TMTC2: variants seen among roughly 807,000 people sequenced by gnomAD.
TMTC2 encodes transmembrane O-mannosyltransferase targeting cadherins 2.
In TMTC2, 43 loss-of-function variants were observed where a neutral mutation model predicts 82.4. That is an observed-to-expected ratio of 0.52 (90% CI 0.41 to 0.67). TMTC2 has a LOEUF of 0.67. Among genes scored for constraint, TMTC2 ranks in the 30% least tolerant of loss-of-function variants. The probability of loss-of-function intolerance (pLI) is 0.00; values close to 1 mark genes in which losing one functional copy is unlikely to be tolerated. For missense variants in TMTC2, 919 were observed against 1,012.4 expected (o/e 0.91, Z 1.25); for synonymous variants, 408 against 381.9 (o/e 1.07, Z -0.80).
intron 1 of TMTC2, among the ~76,000 whole-genome samples, chr12:82,743,166 G>T (rs1294753900): frequency 1.3e-5 from 2 of 152,144 alleles, no homozygotes; most frequent in Non-Finnish European, 2.9e-5. Context: ...GATGTAGCTG[G>T]GCGCAGTGGC....
chr12:82,928,547 C>G (rs1302034793), intron 3 of TMTC2, among the ~76,000 whole-genome samples: 1 of 152,082 alleles, frequency 6.6e-6, no homozygotes, highest in Non-Finnish European at 1.5e-5. Flanking sequence ...TTTCTATGGA[C>G]TCATAATGCC....
intron 11 of TMTC2, among the ~76,000 whole-genome samples, chr12:83,093,475 T>G (rs1295845459): frequency 6.7e-6 from 1 of 150,208 alleles, no homozygotes; most frequent in Non-Finnish European, 1.5e-5. Flanking sequence ...CCCAAATGTG[T>G]TGTACAAAAT....
intron 11 of TMTC2, among the ~76,000 whole-genome samples, chr12:83,072,805 A>G (rs1303802904): frequency 5.3e-5 from 8 of 152,098 alleles, no homozygotes; most frequent in Admixed American, 6.6e-5. Flanking sequence ...TTTGTCTGAT[A>G]TAAATATTGC....
At chr12:82,865,467 T>G (rs1208466771) in intron 2 of TMTC2, among the ~76,000 whole-genome samples, 1 of 152,190 alleles carries the variant, frequency 6.6e-6, no homozygotes, top group African/African-American at 2.4e-5. Flanking sequence ...CTAACTATCC[T>G]AAATATATAT....
chr12:83,102,356 G>T (rs904749550), intron 11 of TMTC2, among the ~76,000 whole-genome samples: 1 of 152,162 alleles, frequency 6.6e-6, no homozygotes, highest in African/African-American at 2.4e-5. Flanking sequence ...GCTGCTTAAT[G>T]ATAAAGGGAG....
chr12:82,909,690 A>T (rs185648697), intron 3 of TMTC2, among the ~76,000 whole-genome samples: 9 of 152,240 alleles, frequency 5.9e-5, no homozygotes, highest in Admixed American at 5.9e-4. Flanking sequence ...ACCAATTAAT[A>T]CATTCATTTG....
intron 4 of TMTC2, among the ~76,000 whole-genome samples, chr12:82,937,231 T>C (rs1449561661): frequency 6.6e-6 from 1 of 152,170 alleles, no homozygotes; most frequent in Non-Finnish European, 1.5e-5. Flanking sequence ...GAAGTCAAGG[T>C]GTTGGCAGGG....
At chr12:82,804,985 T>C (rs1443566535) in intron 1 of TMTC2, among the ~76,000 whole-genome samples, 1 of 152,164 alleles carries the variant, frequency 6.6e-6, no homozygotes, top group Non-Finnish European at 1.5e-5. Context: ...GTACACTCTC[T>C]AGCAGTTTTG....
intron 4 of TMTC2, among the ~76,000 whole-genome samples, chr12:82,935,898 A>C (rs1425018606): frequency 6.6e-6 from 1 of 152,134 alleles, no homozygotes; most frequent in Admixed American, 6.5e-5. Context: ...TAAACTAAAA[A>C]TTTAAGAGTA....
intron 11 of TMTC2, among the ~76,000 whole-genome samples, chr12:83,071,321 A>T (rs537505705): frequency 6.6e-6 from 1 of 151,568 alleles, no homozygotes; most frequent in Non-Finnish European, 1.5e-5. Context: ...TGCCCGGCTA[A>T]TTTTTTTTGT....
At chr12:82,893,119 C>T (rs1367868861) in intron 2 of TMTC2, among the ~76,000 whole-genome samples, 2 of 151,864 alleles carry the variant, frequency 1.3e-5, no homozygotes, top group African/African-American at 4.8e-5. Context: ...CGCCTGTAAT[C>T]CCAGCACTTT....
At chr12:83,099,614 ATG>A (rs1266555663) in intron 11 of TMTC2, among the ~76,000 whole-genome samples, 1 of 152,108 alleles carries the variant, frequency 6.6e-6, no homozygotes, top group Non-Finnish European at 1.5e-5. Flanking sequence ...AAGGATGTTT[ATG>A]TCTCCTGAGA....
At chr12:82,694,157 C>T (rs1872693541) in intron 1 of TMTC2, among the ~76,000 whole-genome samples, 1 of 151,768 alleles carries the variant, frequency 6.6e-6, no homozygotes, top group Admixed American at 6.6e-5. Flanking sequence ...TGATTGTTTT[C>T]AAGATTCCAC....
chr12:82,849,638 C>T (rs1354780445), intron 1 of TMTC2, among the ~76,000 whole-genome samples: 3 of 152,116 alleles, frequency 2.0e-5, no homozygotes, highest in Admixed American at 6.5e-5. Flanking sequence ...TTCAGACTTA[C>T]TAAGCTTAAG....
chr12:82,890,629 T>C (rs756979592), intron 2 of TMTC2, among the ~76,000 whole-genome samples: 10 of 151,484 alleles, frequency 6.6e-5, no homozygotes, highest in Non-Finnish European at 8.9e-5. Flanking sequence ...GAGATTTTAC[T>C]TGGACTGGGG....
intron 1 of TMTC2, among the ~76,000 whole-genome samples, chr12:82,812,885 A>G (rs1868477075): frequency 6.6e-6 from 1 of 152,102 alleles, no homozygotes. Context: ...AAAATCACTT[A>G]GAACAATCTC....
chr12:82,932,008 A>C (rs1425739908), intron 4 of TMTC2, among the ~76,000 whole-genome samples: 2 of 152,134 alleles, frequency 1.3e-5, no homozygotes, highest in African/African-American at 4.8e-5. Context: ...AGGTAAAATA[A>C]GGTGCTTGCG....
intron 3 of TMTC2, among the ~76,000 whole-genome samples, chr12:82,898,124 T>A (rs1017687701): frequency 1.3e-5 from 2 of 152,220 alleles, no homozygotes; most frequent in African/African-American, 4.8e-5. Context: ...GGGATTTTAA[T>A]GGGAAGTTGA....
chr12:82,985,834 G>T, intron 7 of TMTC2, 91 bp from the exon 8 acceptor site: 1 of 1,450,152 alleles, frequency 6.9e-7, no homozygotes, highest in Non-Finnish European at 9.3e-7. Context: ...GAAATTCCAC[G>T]CAGTATGATG....
Sources: allele counts gnomAD v4.1 joint callset (sites outside exome capture counted in the v4.1 genomes callset), GRCh38; gene constraint gnomAD v4.1.1; transcripts MANE v1.5; gene names NCBI Gene and HGNC (gene_info 2026-07-23, HGNC 2026-07-21).